The following GRM7 variants were observed in gnomAD, a reference collection of about 807,000 sequenced individuals.
GRM7 encodes the protein metabotropic glutamate receptor 7.
A neutral mutation model predicts 84.5 loss-of-function variants in GRM7; 35 were observed. The observed-to-expected ratio is 0.41, with a 90% CI of 0.32 to 0.55. GRM7 has a LOEUF of 0.55. GRM7 is among the 20% of genes least tolerant of loss of function. The pLI, the probability that GRM7 is intolerant of heterozygous loss-of-function variation, is 0.19. For synonymous variants in GRM7, 487 were observed against 455.1 expected, an observed-to-expected ratio of 1.07 and a Z score of -0.89; for missense variants, 1,003 against 1,194.6, an observed-to-expected ratio of 0.84 and a Z score of 2.36.
At chr3:7,513,185 C>T (rs552752245) in intron 7 of GRM7, among the ~76,000 whole-genome samples, 5 of 152,242 alleles carry the variant, frequency 3.3e-5, no homozygotes, top group Admixed American at 6.5e-5. Flanking sequence ...CCCTCTAGGA[C>T]TATGCAGTTA....
At chr3:7,178,173 G>T (rs1446080238) in intron 2 of GRM7, among the ~76,000 whole-genome samples, 1 of 152,146 alleles carries the variant, frequency 6.6e-6, no homozygotes, top group African/African-American at 2.4e-5. Flanking sequence ...CATGGCTTCA[G>T]AAAGTCTGGA....
intron 5 of GRM7, among the ~76,000 whole-genome samples, chr3:7,446,644 C>A (rs1697526694): frequency 6.6e-6 from 1 of 151,740 alleles, no homozygotes; most frequent in Non-Finnish European, 1.5e-5. Context: ...GTATTTGGTA[C>A]AGACGAGGTT....
At chr3:6,976,057 C>A (rs1021622065) in intron 1 of GRM7, among the ~76,000 whole-genome samples, 2 of 152,100 alleles carry the variant, frequency 1.3e-5, no homozygotes, top group African/African-American at 4.8e-5. Flanking sequence ...TCAGAACTGG[C>A]ACGGTTGGCC....
intron 7 of GRM7, among the ~76,000 whole-genome samples, chr3:7,543,636 A>G (rs761132458): frequency 1.1e-4 from 17 of 152,276 alleles, no homozygotes; most frequent in Non-Finnish European, 1.5e-5. Context: ...GAACTGGGAA[A>G]GATCCATACT....
intron 8 of GRM7, among the ~76,000 whole-genome samples, chr3:7,622,950 GC>G (rs1230708742): frequency 6.6e-6 from 1 of 152,094 alleles, no homozygotes; most frequent in Non-Finnish European, 1.5e-5. Context: ...GGGGTTGCAG[GC>G]CCAGAAGATA....
intron 7 of GRM7, among the ~76,000 whole-genome samples, chr3:7,492,952 G>A (rs774747148): frequency 1.3e-5 from 2 of 151,814 alleles, no homozygotes; most frequent in Non-Finnish European, 2.9e-5. Flanking sequence ...ATTTACAAGT[G>A]TATTGTTTAA....
intron 1 of GRM7, among the ~76,000 whole-genome samples, chr3:7,021,830 A>G (rs529577923): frequency 1.3e-5 from 2 of 152,338 alleles, no homozygotes; most frequent in East Asian, 3.9e-4. Context: ...CTGCTTAGGT[A>G]CTGAGCAATT....
At chr3:7,396,519 C>A (rs1015188413) in intron 4 of GRM7, among the ~76,000 whole-genome samples, 1 of 151,962 alleles carries the variant, frequency 6.6e-6, no homozygotes, top group Admixed American at 6.6e-5. Flanking sequence ...TCTGATTTGC[C>A]CATGTTTTAT....
chr3:7,374,628 G>A (rs561796409), intron 4 of GRM7, among the ~76,000 whole-genome samples: 12 of 149,514 alleles, frequency 8.0e-5, no homozygotes, highest in South Asian at 4.2e-4. Flanking sequence ...ACAGGTGCCC[G>A]CCACCATACC....
At chr3:7,173,637 T>G (rs1002616227) in intron 2 of GRM7, among the ~76,000 whole-genome samples, 1 of 152,164 alleles carries the variant, frequency 6.6e-6, no homozygotes, top group African/African-American at 2.4e-5. Context: ...CTCAAATACA[T>G]GCTGATGTTC....
chr3:7,142,180 A>T (rs1693966738), intron 1 of GRM7, among the ~76,000 whole-genome samples: 1 of 152,028 alleles, frequency 6.6e-6, no homozygotes, highest in African/African-American at 2.4e-5. Flanking sequence ...GAAAGAGAGA[A>T]AAGAAGGGAG....
intron 1 of GRM7, among the ~76,000 whole-genome samples, chr3:7,129,653 A>G (rs1211607788): frequency 6.6e-6 from 1 of 152,056 alleles, no homozygotes; most frequent in Non-Finnish European, 1.5e-5. Flanking sequence ...AGATGAGTTC[A>G]TGAGTGCTGG....
At chr3:7,661,854 T>C (rs912184842) in intron 8 of GRM7, among the ~76,000 whole-genome samples, 8 of 113,956 alleles carry the variant, frequency 7.0e-5, no homozygotes, top group South Asian at 6.3e-4. Context: ...GAAAATACTT[T>C]GGCAATTTTT....
intron 4 of GRM7, among the ~76,000 whole-genome samples, chr3:7,413,801 C>T (rs1250597584): frequency 6.6e-6 from 1 of 152,140 alleles, no homozygotes; most frequent in Non-Finnish European, 1.5e-5. Context: ...TAGTTGTTGA[C>T]TGTTGGTGAC....
intron 1 of GRM7, among the ~76,000 whole-genome samples, chr3:6,949,004 T>C (rs1431368671): frequency 6.6e-6 from 1 of 152,108 alleles, no homozygotes; most frequent in African/African-American, 2.4e-5. Context: ...CTTGACTCTT[T>C]ATCCAATTTG....
chr3:7,508,353 T>G (rs1171637531), intron 7 of GRM7, among the ~76,000 whole-genome samples: 1 of 152,200 alleles, frequency 6.6e-6, no homozygotes, highest in Non-Finnish European at 1.5e-5. Context: ...GTGCCTTAAA[T>G]TTAAGTTTCT....
At chr3:7,181,703 G>A (rs909707887) in intron 2 of GRM7, among the ~76,000 whole-genome samples, 20 of 152,122 alleles carry the variant, frequency 1.3e-4, no homozygotes, top group African/African-American at 3.9e-4. Flanking sequence ...TGACCTCCCG[G>A]GCTCAAGTCA....
chr3:7,349,311 G>A (rs900332939), intron 4 of GRM7, among the ~76,000 whole-genome samples: 2 of 152,056 alleles, frequency 1.3e-5, no homozygotes, highest in African/African-American at 4.8e-5. Flanking sequence ...TTCCATTTCA[G>A]GTTGCTGTAA....
chr3:6,991,044 G>A (rs1217745241), intron 1 of GRM7, among the ~76,000 whole-genome samples: 1 of 152,070 alleles, frequency 6.6e-6, no homozygotes, highest in Non-Finnish European at 1.5e-5. Context: ...ACTCCAGCCT[G>A]GGTGACAGAG....
Sources: gnomAD v4.1 joint callset for allele counts (sites outside exome capture counted in the v4.1 genomes callset) on GRCh38, gnomAD v4.1.1 for gene constraint, MANE v1.5 for transcripts, NCBI Gene and HGNC (gene_info 2026-07-23, HGNC 2026-07-21) for gene names.